The following STRIP2 variants were observed in gnomAD, a reference collection of about 807,000 sequenced individuals.
STRIP2 encodes striatin-interacting protein 2.
Under a neutral mutation model 107.1 loss-of-function variants are expected in STRIP2, and 84 were observed. The ratio of observed to expected loss-of-function variants is 0.78; its 90% CI spans 0.66 to 0.94. The LOEUF (loss-of-function observed/expected upper bound fraction) is 0.94, where lower values mean the gene tolerates loss of function less well. STRIP2 is among the 40% of genes least tolerant of loss of function. The pLI is 0.00. For missense variants in STRIP2, 888 were observed against 1,034.2 expected, an observed-to-expected ratio of 0.86 and a Z score of 1.94; for synonymous variants, 394 against 400.4, an observed-to-expected ratio of 0.98 and a Z score of 0.19.
intron 17 of STRIP2, among the ~76,000 whole-genome samples, chr7:129,468,672 T>C (rs1798726362): frequency 6.6e-6 from 1 of 152,200 alleles, no homozygotes; most frequent in Non-Finnish European, 1.5e-5. Context: ...AAAATGAAAG[T>C]ACAGGTCAGG....
At chr7:129,485,003 T>A (rs1799210258) in intron 20 of STRIP2, among the ~76,000 whole-genome samples, 1 of 152,196 alleles carries the variant, frequency 6.6e-6, no homozygotes, top group Non-Finnish European at 1.5e-5. Flanking sequence ...CATCTTAAAA[T>A]AAGCTGACAT....
intron 14 of STRIP2, among the ~76,000 whole-genome samples, chr7:129,463,754 A>T (rs983782648): frequency 4.6e-5 from 7 of 152,154 alleles, no homozygotes; most frequent in African/African-American, 1.7e-4. Flanking sequence ...CTCGGCCTCC[A>T]AAAGTGCTGG....
intron 3 of STRIP2, among the ~76,000 whole-genome samples, chr7:129,451,046 C>T (rs976268892): frequency 1.4e-5 from 2 of 147,318 alleles, no homozygotes; most frequent in Non-Finnish European, 3.0e-5. Context: ...ACGCCATTCT[C>T]CTGCCTCAGC....
intron 19 of STRIP2, among the ~76,000 whole-genome samples, chr7:129,481,270 G>A (rs193071308): frequency 2.0e-4 from 30 of 150,186 alleles, no homozygotes; most frequent in Non-Finnish European, 3.7e-4. Context: ...AAGCCGAGGC[G>A]GGCAGATAAC....
At position 129,487,781 on chromosome 7, in the gene STRIP2, C is replaced by T. The variant is rs1453697621; in HGVS notation, c.*1952C>T. On this transcript the variant is annotated 3_prime_UTR_variant, in exon 21 of 21. Transcript: ENST00000249344. Reference sequence around the variant, plus strand: ...TTTCAAGGAAAGAGTAATCATCCATCAATTTATTATAAAGCCAGATAGTAT... The same window carrying T: ...TTTCAAGGAAAGAGTAATCATCCATTAATTTATTATAAAGCCAGATAGTAT... 2 of 152,212 alleles carry T rather than the reference C, an allele frequency of 1.3e-5. No individual in the cohort carries two copies. Among genetic ancestry groups the T allele is most frequent in the African/African-American group, 4.8e-5 (2 of 41,530 alleles). 9.4% of individuals were successfully genotyped at this position (152,212 alleles called of 1,614,324 possible). A position where few individuals can be genotyped will look rare whatever the true frequency, so the allele number is the denominator to read the frequency against.
At chr7:129,457,122 G>T (rs777472575) in intron 9 of STRIP2, among the ~76,000 whole-genome samples, 3 of 152,142 alleles carry the variant, frequency 2.0e-5, no homozygotes, top group Non-Finnish European at 4.4e-5. Flanking sequence ...CTGGGTAGGG[G>T]TCTATGTATA....
At chr7:129,448,802 GT>G (rs771534693) in intron 3 of STRIP2, among the ~76,000 whole-genome samples, 18 of 152,162 alleles carry the variant, frequency 1.2e-4, no homozygotes, top group Non-Finnish European at 2.1e-4. Flanking sequence ...AAATTTTGTA[GT>G]TGAGTGACTG....
In STRIP2 at chr7:129,435,913, G is replaced by A. The variant is rs113785089; in HGVS notation, c.129+1312G>A. ...ATGTATGCTTTACATTTTGATGTAG[G>A]TAGAGTAGGAGGAATCCATTCATTT... On this transcript the variant is annotated intron_variant, in intron 1 of 20. Transcript: ENST00000249344. Among the ~76,000 whole-genome samples, 1,017 of 152,178 alleles carry A rather than the reference G, an allele frequency of 6.7e-3. 13 individuals are homozygous for A. The highest frequency in any genetic ancestry group is 0.024 in the African/African-American group (982 of 41,516).
In STRIP2 at chr7:129,467,450, G is replaced by C. The variant is rs1416708523; in HGVS notation, c.1877G>C (p.Ser626Thr). The change falls in exon 17 of 21, where the codon AGC becomes ACC. Residue 626 changes from serine to threonine, a missense_variant and splice_region_variant. Transcript: ENST00000249344. ...NILSYITAKN[S>T]ISVLDYPCCT... ...TTGTCATACATCACTGCCAAAAACA[G>C]GTATGAACTCTGGACAGGTTTATTT... The C allele has an allele frequency of 2.1e-5, 34 of 1,609,258 alleles. No homozygotes were observed. Among genetic ancestry groups the C allele is most frequent in the Non-Finnish European group, 2.2e-5 (26 of 1,176,832 alleles).
At chr7:129,467,526 T>C (rs1451374492) in intron 17 of STRIP2, 76 bp downstream of exon 17, 1 of 1,048,094 alleles carries the variant, frequency 9.5e-7, no homozygotes, top group African/African-American at 1.6e-5. Flanking sequence ...TCGGAGCCTT[T>C]CAGTTTTCCT....
At chr7:129,456,315 A>G in intron 8 of STRIP2, 124 bp from the exon 9 acceptor site, 1 of 774,384 alleles carries the variant, frequency 1.3e-6, no homozygotes, top group Non-Finnish European at 2.1e-6. Context: ...CCTCCTTATT[A>G]AGGAAAAGGT....
chr7:129,476,537 C>T (rs1798954049), intron 18 of STRIP2, among the ~76,000 whole-genome samples: 1 of 149,836 alleles, frequency 6.7e-6, no homozygotes, highest in Admixed American at 6.6e-5. Flanking sequence ...AGCTCCCAGA[C>T]AGGGTCGCGG....
intron 20 of STRIP2, among the ~76,000 whole-genome samples, chr7:129,484,974 A>G (rs1444685655): frequency 6.6e-6 from 1 of 152,184 alleles, no homozygotes; most frequent in Non-Finnish European, 1.5e-5. Flanking sequence ...TTTTACCTTC[A>G]TTGAAGCCGT....
At chr7:129,477,821 A>AAG (rs1799011043) in intron 18 of STRIP2, 1 of 336,728 alleles carries the variant, frequency 3.0e-6, no homozygotes, top group African/African-American at 2.2e-5. Flanking sequence ...CCACAGGAGC[A>AAG]AGAGAGAAGC....
chr7:129,458,202 C>A lies in STRIP2; in HGVS notation c.1039-13C>A, dbSNP rs1318857557. On this transcript the variant is annotated splice_polypyrimidine_tract_variant and intron_variant, in intron 9 of 20. Coordinates refer to ENST00000249344, the MANE Select transcript of STRIP2 (RefSeq NM_020704.3). The surrounding 1 kb of genome is among the most constrained non-coding windows in gnomAD (Gnocchi z 4.6). ...GATCTCTGCATGCCTACCCTCCCTT[C>A]TTTCCCCTCCAGCAACTCCTCACTA... is the stretch of plus-strand genomic sequence containing the variant. The A allele has an allele frequency of 6.2e-7, 1 of 1,609,892 alleles. No individual in the cohort carries two copies. The highest frequency in any genetic ancestry group is 8.5e-7 in the Non-Finnish European group (1 of 1,176,502).
rs1280981054 is a variant in STRIP2, at chr7:129,458,459, G to A, written c.1274+9G>A. ...TGGGCCCCAAAGGTCAGGTAGGTTT[G>A]ATAGCATCAGGGACCCCTATGCTTC... On this transcript the variant is annotated intron_variant, in intron 10 of 20. Transcript: ENST00000249344. The surrounding 1 kb of genome is among the most constrained non-coding windows in gnomAD (Gnocchi z 4.6). The A allele has an allele frequency of 6.4e-7, 1 of 1,555,462 alleles. No individual in the cohort carries two copies.
intron 19 of STRIP2, among the ~76,000 whole-genome samples, 189 bp downstream of exon 19, chr7:129,481,078 T>C (rs1343807824): frequency 6.6e-6 from 1 of 152,242 alleles, no homozygotes; most frequent in Non-Finnish European, 1.5e-5. Context: ...TCCATTTCTT[T>C]TCAGGGGGCT....
In STRIP2 at chr7:129,446,422, A is replaced by G. The variant is rs138084096; in HGVS notation, c.274+2324A>G. 3.9e-3 allele frequency among the ~76,000 whole-genome samples: 601 copies of G among 152,326 alleles called. 4 individuals are homozygous for G. The highest frequency in any genetic ancestry group is 5.6e-3 in the Non-Finnish European group (384 of 68,016). On this transcript the variant is annotated intron_variant, in intron 3 of 20. Transcript: ENST00000249344. ...TGACCATCCAGCCAAATCATTGGCT[A>G]TAGCCCATGAATCAGTATTTAATCG...
chr7:129,444,409 G>A (rs1279209655), intron 3 of STRIP2, among the ~76,000 whole-genome samples: 3 of 152,328 alleles, frequency 2.0e-5, no homozygotes, highest in East Asian at 3.9e-4. Context: ...ATCCAGCACA[G>A]GAGAAAGATG....
Sources: gnomAD v4.1 joint callset for allele counts (sites outside exome capture counted in the v4.1 genomes callset) on GRCh38, gnomAD v4.1.1 for gene constraint, Gnocchi (gnomAD v3.1) non-coding constraint, MANE v1.5 for transcripts, NCBI Gene and HGNC (gene_info 2026-07-23, HGNC 2026-07-21) for gene names.